The following CASP8 variants were observed in gnomAD, a reference collection of about 807,000 sequenced individuals.
The protein encoded by CASP8 is caspase 8.
CASP8 carries 24 observed loss-of-function variants against 46.3 expected under a neutral mutation model. That is an observed-to-expected ratio of 0.52 (90% CI 0.38 to 0.73). The LOEUF (loss-of-function observed/expected upper bound fraction) is 0.73. Ranked by LOEUF, CASP8 falls within the 30% of genes least tolerant of loss-of-function variation. The pLI is 0.00. For missense variants in CASP8, 460 were observed against 559.0 expected (o/e 0.82, Z 1.79); for synonymous variants, 188 against 200.4 (o/e 0.94, Z 0.52).
chr2:201,236,201 C>T (rs191778599), intron 2 of CASP8, among the ~76,000 whole-genome samples: 50 of 152,294 alleles, frequency 3.3e-4, no homozygotes, highest in African/African-American at 1.1e-3. Context: ...CCCACCCCTG[C>T]TCCTTTTAGG....
intron 8 of CASP8, 133 bp downstream of exon 8, chr2:201,285,450 A>G: frequency 1.8e-6 from 2 of 1,131,740 alleles, no homozygotes; most frequent in Non-Finnish European, 2.6e-6. Flanking sequence ...CAGGTCAGAG[A>G]ACTGTCCAAG....
At chr2:201,259,768 T>C (rs954471308), upstream of CASP8, among the ~76,000 whole-genome samples, 3 of 152,104 alleles carry the variant, frequency 2.0e-5, no homozygotes, top group African/African-American at 7.2e-5. Flanking sequence ...TTTGATAAGA[T>C]GGTAAACCCA....
At chr2:201,265,284 A>G (rs1377040422) in intron 1 of CASP8, among the ~76,000 whole-genome samples, 1 of 151,224 alleles carries the variant, frequency 6.6e-6, no homozygotes, top group Admixed American at 6.6e-5. Flanking sequence ...CCGAGGCAGG[A>G]GGATTGCTTG....
chr2:201,269,611 A>T (rs1423980135), intron 2 of CASP8: 1 of 1,602,258 alleles, frequency 6.2e-7, no homozygotes, highest in Non-Finnish European at 8.5e-7. Flanking sequence ...ATAAGGCAGG[A>T]TCTCTCTTAA....
At chr2:201,249,587 C>T (rs561108845) in intron 2 of CASP8, among the ~76,000 whole-genome samples, 1 of 152,288 alleles carries the variant, frequency 6.6e-6, no homozygotes, top group African/African-American at 2.4e-5. Flanking sequence ...ATTGTTGAGT[C>T]TTAACAGATT....
chr2:201,255,451 C>G (rs1032185465), intron 2 of CASP8, among the ~76,000 whole-genome samples: 1 of 152,094 alleles, frequency 6.6e-6, no homozygotes, highest in African/African-American at 2.4e-5. Context: ...ACAAATGGCA[C>G]AAGTTGAAGC....
intron 1 of CASP8, among the ~76,000 whole-genome samples, chr2:201,262,979 A>G (rs147423603): frequency 6.1e-4 from 93 of 152,346 alleles, no homozygotes; most frequent in African/African-American, 2.0e-3. Context: ...CCACGTTAGC[A>G]TTTTCCCTTC....
intron 2 of CASP8, among the ~76,000 whole-genome samples, chr2:201,238,564 C>T (rs1946157305): frequency 6.6e-6 from 1 of 152,030 alleles, no homozygotes; most frequent in Admixed American, 6.6e-5. Flanking sequence ...GCCTCAGCCT[C>T]CCGAGTAGCT....
intron 2 of CASP8, among the ~76,000 whole-genome samples, chr2:201,246,839 G>C (rs1350442287): frequency 1.3e-5 from 2 of 152,102 alleles, no homozygotes; most frequent in Non-Finnish European, 2.9e-5. Context: ...TTGGAATTTT[G>C]GGGGGCCAGG....
upstream of CASP8, among the ~76,000 whole-genome samples, chr2:201,259,133 T>C (rs1947210186): frequency 6.6e-6 from 1 of 152,194 alleles, no homozygotes; most frequent in South Asian, 2.1e-4. Context: ...ATATTAATAC[T>C]ATTGGTATTT....
upstream of CASP8, among the ~76,000 whole-genome samples, chr2:201,259,769 G>A (rs972534954): frequency 9.9e-5 from 15 of 151,842 alleles, no homozygotes; most frequent in Admixed American, 7.2e-4. Context: ...TTGATAAGAT[G>A]GTAAACCCAG....
chr2:201,260,918 CCAGT>C (rs1387518777), intron 1 of CASP8, among the ~76,000 whole-genome samples: 1 of 152,160 alleles, frequency 6.6e-6, no homozygotes, highest in Non-Finnish European at 1.5e-5. Context: ...CATCCTGATC[CCAGT>C]CAAACTTGTG....
At chr2:201,270,351 G>A (rs1948155219) in intron 2 of CASP8, among the ~76,000 whole-genome samples, 1 of 152,184 alleles carries the variant, frequency 6.6e-6, no homozygotes, top group African/African-American at 2.4e-5. Context: ...TGTGGTTACG[G>A]ATAATTATCT....
At chr2:201,273,050 T>G in intron 5 of CASP8, 108 bp downstream of exon 5, 1 of 813,372 alleles carries the variant, frequency 1.2e-6, no homozygotes, top group Non-Finnish European at 1.9e-6. Flanking sequence ...GTGCCTGCTC[T>G]ACTTTTTCTT....
intron 2 of CASP8, among the ~76,000 whole-genome samples, chr2:201,270,378 G>A (rs562236541): frequency 1.1e-4 from 16 of 152,136 alleles, no homozygotes; most frequent in Non-Finnish European, 2.4e-4. Context: ...TATGGACGAG[G>A]AAAAAATGTG....
chr2:201,256,235 T>C (rs1257743388), upstream of CASP8, among the ~76,000 whole-genome samples: 1 of 152,256 alleles, frequency 6.6e-6, no homozygotes, highest in Non-Finnish European at 1.5e-5. Flanking sequence ...TATGCATTAA[T>C]GTTTAGGTGG....
At chr2:201,250,135 C>T (rs1197114982) in intron 2 of CASP8, among the ~76,000 whole-genome samples, 2 of 152,070 alleles carry the variant, frequency 1.3e-5, no homozygotes, top group East Asian at 1.9e-4. Flanking sequence ...TATCAAGGCC[C>T]GTTTGTTTAG....
At chr2:201,277,678 G>A (rs951336892) in intron 7 of CASP8, 5 of 435,676 alleles carry the variant, frequency 1.1e-5, no homozygotes, top group Admixed American at 1.0e-4. Context: ...TAATCATCAG[G>A]AGTCTGTAAT....
At position 201,266,718 on chromosome 2, in the gene CASP8, T is replaced by C. The variant is rs1559350516; in HGVS notation, c.232T>C (p.Tyr78His). The change falls in exon 2 of 9, where the codon TAC (tyrosine) becomes CAC (histidine). Residue 78 changes from tyrosine to histidine, a missense_variant. Transcript: ENST00000673742. The surrounding 1 kb of genome is among the most constrained non-coding windows in gnomAD (Gnocchi z 5.7). Reference sequence around the variant, plus strand: ...TAATAGACTGGATTTGCTGATTACCTACCTAAACACTAGAAAGGAGGAGAT... The same window carrying C: ...TAATAGACTGGATTTGCTGATTACCCACCTAAACACTAGAAAGGAGGAGAT... ...RINRLDLLIT[Y>H]LNTRKEEMER... The C allele has an allele frequency of 1.2e-6, 2 of 1,614,030 alleles. No homozygotes were observed. Among genetic ancestry groups the C allele is most frequent in the Non-Finnish European group, 1.7e-6 (2 of 1,180,004 alleles).
Sources: allele counts gnomAD v4.1 joint callset (sites outside exome capture counted in the v4.1 genomes callset), GRCh38; gene constraint gnomAD v4.1.1; non-coding constraint Gnocchi (gnomAD v3.1); transcripts MANE v1.5; gene names NCBI Gene and HGNC (gene_info 2026-07-23, HGNC 2026-07-21).